TOP2B: variants seen among roughly 807,000 people sequenced by gnomAD.
The protein encoded by TOP2B is DNA topoisomerase 2-beta.
In TOP2B, 51 loss-of-function variants were observed where a neutral mutation model predicts 193.5. The ratio of observed to expected loss-of-function variants is 0.26; its 90% CI spans 0.21 to 0.33. The LOEUF is 0.33. Ranked by LOEUF, TOP2B falls within the 10% of genes least tolerant of loss-of-function variation. The pLI is 1.00. For missense variants in TOP2B, 1,378 were observed against 1,909.3 expected, an observed-to-expected ratio of 0.72 and a Z score of 5.19; for synonymous variants, 634 against 635.7, an observed-to-expected ratio of 1.00 and a Z score of 0.04.
intron 1 of TOP2B, among the ~76,000 whole-genome samples, chr3:25,657,900 A>C (rs1162319852): frequency 6.7e-6 from 1 of 148,792 alleles, no homozygotes; most frequent in African/African-American, 2.6e-5. Flanking sequence ...TCTCTACTAA[A>C]AATACAAAAA....
chr3:25,632,787 C>T lies in TOP2B; in HGVS notation c.1034G>A (p.Arg345Gln), dbSNP rs1174241309. 1.2e-6 allele frequency: 2 copies of T among 1,611,750 alleles called. No homozygotes were observed. The highest frequency in any genetic ancestry group is 1.1e-5 in the South Asian group (1 of 90,680). Residue 345 changes from arginine to glutamine, a missense_variant, in exon 9 of 36, where the codon CGG (arginine) becomes CAG (glutamine). By Grantham distance (43) the Arg-to-Gln change is conservative (BLOSUM62 1). This residue lies in a region of TOP2B where 222 missense variants were observed against 306.6 expected (regional missense o/e 0.72). Coordinates refer to ENST00000264331, the MANE Select transcript of TOP2B (RefSeq NM_001330700.2). The part of the protein sequence containing the change: ...VNSIATTKGG[R>Q]HVDYVVDQVV... ...TTGATCTACCACATAATCCACGTGC[C>T]GTCCACCCTAAAGAAAAAAAAATAT...
chr3:25,636,923 G>C (rs1450400758), intron 6 of TOP2B, among the ~76,000 whole-genome samples: 2 of 152,012 alleles, frequency 1.3e-5, no homozygotes, highest in Non-Finnish European at 2.9e-5. Context: ...CTAAGTGGTT[G>C]CATGTACATG....
At chr3:25,656,509 CAATGAGTA>C (rs1559511036) in intron 1 of TOP2B, among the ~76,000 whole-genome samples, 1 of 151,966 alleles carries the variant, frequency 6.6e-6, no homozygotes, top group African/African-American at 2.4e-5. Flanking sequence ...TTGGACGTTT[CAATGAGTA>C]AATAAGTCTA....
intron 21 of TOP2B, among the ~76,000 whole-genome samples, chr3:25,622,853 G>T (rs1446515136): frequency 6.6e-6 from 1 of 152,100 alleles, no homozygotes; most frequent in African/African-American, 2.4e-5. Flanking sequence ...GTTTGGTCAG[G>T]CTGGCCTAGA....
intron 21 of TOP2B, among the ~76,000 whole-genome samples, chr3:25,622,551 T>C (rs1306248113): frequency 6.6e-6 from 1 of 151,332 alleles, no homozygotes; most frequent in Non-Finnish European, 1.5e-5. Context: ...TTTTAAATCA[T>C]GGGGAGGAAG....
Position 25,601,153 on chromosome 3 carries a change from T to A in TOP2B, c.4562A>T (p.Asn1521Ile). 3 of 1,613,772 alleles carry A rather than the reference T, an allele frequency of 1.9e-6. No individual in the cohort carries two copies. The highest frequency in any genetic ancestry group is 2.5e-6 in the Non-Finnish European group (3 of 1,179,748). The change falls in exon 34 of 36, where the codon AAC becomes ATC. Residue 1521 changes from asparagine (N) to isoleucine (I), a missense_variant. Asn to Ile is a moderately radical substitution (Grantham distance 149). This residue lies in a region of TOP2B where 556 missense variants were observed against 584.2 expected (regional missense o/e 0.95). Transcript: ENST00000264331. ...GCCAAATTCTGAATCCGAGTCAGAG[T>A]TTACAGCCTCTACTACTTTCTTCTG... ...PKQKKVVEAV[N>I]SDSDSEFGIP...
intron 1 of TOP2B, among the ~76,000 whole-genome samples, chr3:25,651,692 C>T (rs1055487049): frequency 6.6e-5 from 10 of 151,848 alleles, no homozygotes; most frequent in East Asian, 3.9e-4. Context: ...TATGGTAAAA[C>T]GCCATCTCTA....
intron 7 of TOP2B, among the ~76,000 whole-genome samples, chr3:25,634,799 C>CAAAAAAAAAAAA (rs1224120357): frequency 3.1e-5 from 3 of 96,442 alleles, no homozygotes; most frequent in Non-Finnish European, 4.1e-5. Context: ...AAAAAAAAAC[C>CAAAAAAAAAAAA]AAAAAAAGGC....
At position 25,601,193 on chromosome 3, in the gene TOP2B, T is replaced by C. The variant is rs1463564581; in HGVS notation, c.4522A>G (p.Lys1508Glu). The change falls in exon 34 of 36, where the codon AAG becomes GAG. Residue 1508 changes from lysine to glutamate, a missense_variant. By Grantham distance (56) the Lys-to-Glu change is moderately conservative. This residue lies in a region of TOP2B where 556 missense variants were observed against 584.2 expected (regional missense o/e 0.95). Transcript: ENST00000264331. ...ACTTTCTTCTGTTTTGGGGCTCTCT[T>C]GGGCTTAGGGACTGTATCTGAAGAC... is the stretch of plus-strand genomic sequence containing the variant. The part of the protein sequence containing the change: ...KPSSDTVPKP[K>E]RAPKQKKVVE... 2 of 1,613,666 alleles carry C rather than the reference T, an allele frequency of 1.2e-6. No individual in the cohort carries two copies. Among genetic ancestry groups the C allele is most frequent in the African/African-American group, 2.7e-5 (2 of 74,932 alleles).
chr3:25,621,911 C>T (rs575744383), intron 21 of TOP2B, among the ~76,000 whole-genome samples: 1 of 151,826 alleles, frequency 6.6e-6, no homozygotes, highest in East Asian at 1.9e-4. Flanking sequence ...ATCACTTGAA[C>T]CTGGGAGACA....
intron 4 of TOP2B, among the ~76,000 whole-genome samples, chr3:25,639,317 G>A (rs1401041195): frequency 6.6e-6 from 1 of 152,066 alleles, no homozygotes; most frequent in Non-Finnish European, 1.5e-5. Flanking sequence ...GTTTGTTTTT[G>A]TTTTTGTTTG....
At chr3:25,618,564 G>T in intron 24 of TOP2B, 55 bp from the exon 25 acceptor site, 1 of 1,542,936 alleles carries the variant, frequency 6.5e-7, no homozygotes, top group Non-Finnish European at 8.8e-7. Flanking sequence ...ATTTGTATTT[G>T]CTTATATTCT....
chr3:25,652,018 C>G (rs940769623), intron 1 of TOP2B, among the ~76,000 whole-genome samples: 5 of 152,084 alleles, frequency 3.3e-5, no homozygotes, highest in East Asian at 1.9e-4. Context: ...AAAAGATATT[C>G]CAGAAAACTG....
chr3:25,599,425 T>TC lies in TOP2B; in HGVS notation c.4710+9dup, dbSNP rs1210456854. ...GCCATGCACTAATATGCAATGATGT[T>TC]CCCGGTTACCTTGCTTGTTGTTTTG... On this transcript the variant is annotated intron_variant, in intron 35 of 35. Coordinates refer to ENST00000264331, the MANE Select transcript of TOP2B (RefSeq NM_001330700.2). 6.2e-7 allele frequency: 1 copy of TC among 1,612,232 alleles called. No individual in the cohort carries two copies. The highest frequency in any genetic ancestry group is 8.5e-7 in the Non-Finnish European group (1 of 1,178,966).
At chr3:25,629,653 T>C (rs1702902251) in intron 13 of TOP2B, among the ~76,000 whole-genome samples, 1 of 152,176 alleles carries the variant, frequency 6.6e-6, no homozygotes. Context: ...AATTTTCTAG[T>C]TCTTTCTCGA....
Position 25,598,443 on chromosome 3 carries a change from T to C in TOP2B, c.4745A>G (p.Asp1582Gly). 6.2e-7 allele frequency: 1 copy of C among 1,605,256 alleles called. No individual in the cohort carries two copies. The highest frequency in any genetic ancestry group is 8.5e-7 in the Non-Finnish European group (1 of 1,177,172). ...GAAGTCTGAGGGGAAGATGTCCACA[T>C]CTGAATCCTGATCAAAAGATGTCTT... is the stretch of plus-strand genomic sequence containing the variant. ...PKKTSFDQDS[D>G]VDIFPSDFPT... The change falls in exon 36 of 36, where the codon GAT (aspartate) becomes GGT (glycine). Residue 1582 changes from aspartate (D) to glycine (G), a missense_variant. Asp to Gly is a moderately conservative substitution (Grantham distance 94). Transcript: ENST00000264331.
At chr3:25,633,421 A>G (rs758921781) in intron 8 of TOP2B, among the ~76,000 whole-genome samples, 1 of 152,094 alleles carries the variant, frequency 6.6e-6, no homozygotes, top group Non-Finnish European at 1.5e-5. Context: ...TGGCACCTCA[A>G]ATGTATTCAC....
At position 25,607,324 on chromosome 3, in the gene TOP2B, G is replaced by GCAT. The variant is rs1559492036; in HGVS notation, c.4142_4144dup (p.Asp1381dup). Reference sequence around the variant, plus strand: ...ATTATTGTCATCATCATCATCATCAGCATCATCATCCTCTTCTTCTGAGAA... The same window carrying GCAT: ...ATTATTGTCATCATCATCATCATCAGCATCATCATCATCCTCTTCTTCTGAGAA... On this transcript the variant is annotated inframe_insertion, in exon 31 of 36. Coordinates refer to ENST00000264331, the MANE Select transcript of TOP2B (RefSeq NM_001330700.2). 2.6e-6 allele frequency: 4 copies of GCAT among 1,551,896 alleles called. No homozygotes were observed. The highest frequency in any genetic ancestry group is 3.5e-6 in the Non-Finnish European group (4 of 1,146,626).
At position 25,635,996 on chromosome 3, in the gene TOP2B, T is replaced by A; in HGVS notation, c.792A>T (p.Ala264=). 6.2e-7 allele frequency: 1 copy of A among 1,613,498 alleles called. No individual in the cohort carries two copies. Among genetic ancestry groups the A allele is most frequent in the Non-Finnish European group, 8.5e-7 (1 of 1,179,530 alleles). The stretch of plus-strand genomic sequence containing the variant: ...CTCTACACGAACCAGCCAAATCATA[T>A]GCCCTTCTAGTCATGAGGGCCACAA... The part of the protein sequence containing the change: ...KDIVALMTRR[A]YDLAGSCRGV... Residue 264 remains alanine, a synonymous_variant, in exon 7 of 36, where the codon GCA becomes GCT. Transcript: ENST00000264331.
Sources: allele counts gnomAD v4.1 joint callset (sites outside exome capture counted in the v4.1 genomes callset), GRCh38; gene constraint gnomAD v4.1.1; regional missense constraint gnomAD v4.1.1; transcripts MANE v1.5; gene names NCBI Gene and HGNC (gene_info 2026-07-23, HGNC 2026-07-21).